The following SPRING1 variants were observed in gnomAD, a reference collection of about 807,000 sequenced individuals.
The protein encoded by SPRING1 is SREBP regulating gene protein.
A neutral mutation model predicts 24.7 loss-of-function variants in SPRING1; 14 were observed. The ratio of observed to expected loss-of-function variants is 0.57; its 90% CI spans 0.37 to 0.88. SPRING1 has a LOEUF of 0.88. Ranked by LOEUF, SPRING1 falls within the 40% of genes least tolerant of loss-of-function variation. The probability of loss-of-function intolerance (pLI) is 0.00; values close to 1 mark genes in which losing one functional copy is unlikely to be tolerated. For missense variants in SPRING1, 255 were observed against 268.4 expected (o/e 0.95, Z 0.35); for synonymous variants, 93 against 106.1 (o/e 0.88, Z 0.76).
At chr12:116,719,898 C>T (rs781184202) in intron 3 of SPRING1, 22 bp from the exon 4 acceptor site, 2 of 1,600,202 alleles carry the variant, frequency 1.2e-6, no homozygotes, top group Non-Finnish European at 1.7e-6. Flanking sequence ...AAAGTTAGTG[C>T]CTGTAATAAA....
intron 1 of SPRING1, among the ~76,000 whole-genome samples, chr12:116,737,267 C>T (rs1871272923): frequency 6.6e-6 from 1 of 152,004 alleles, no homozygotes; most frequent in African/African-American, 2.4e-5. Context: ...GACGCCCCGG[C>T]GGCGCCGCTG....
intron 1 of SPRING1, 70 bp downstream of exon 1, chr12:116,737,720 G>A (rs1389130777): frequency 1.4e-6 from 2 of 1,398,496 alleles, no homozygotes; most frequent in South Asian, 1.4e-5. Flanking sequence ...AAGGAAGGAA[G>A]GAGAAAGTAA....
At chr12:116,721,875 T>C (rs1364115790) in intron 2 of SPRING1, among the ~76,000 whole-genome samples, 3 of 152,210 alleles carry the variant, frequency 2.0e-5, no homozygotes, top group Non-Finnish European at 1.5e-5. Context: ...TCCTTTTTTT[T>C]CCCCACTGCC....
intron 1 of SPRING1, among the ~76,000 whole-genome samples, chr12:116,724,779 T>C (rs1223316160): frequency 6.6e-6 from 1 of 152,212 alleles, no homozygotes; most frequent in South Asian, 2.1e-4. Flanking sequence ...ATACGACTGA[T>C]AGCTATTTAA....
At chr12:116,733,030 CA>C (rs1405412383) in intron 1 of SPRING1, among the ~76,000 whole-genome samples, 1 of 152,138 alleles carries the variant, frequency 6.6e-6, no homozygotes, top group Non-Finnish European at 1.5e-5. Flanking sequence ...AAATATACAG[CA>C]CAGTAATAAA....
chr12:116,731,290 C>T (rs1870963911), intron 1 of SPRING1, among the ~76,000 whole-genome samples: 1 of 152,202 alleles, frequency 6.6e-6, no homozygotes. Context: ...CCCCCCATGA[C>T]TTCTGCACCA....
At chr12:116,731,590 AAATT>A (rs913779479) in intron 1 of SPRING1, among the ~76,000 whole-genome samples, 4 of 152,242 alleles carry the variant, frequency 2.6e-5, no homozygotes, top group African/African-American at 9.6e-5. Flanking sequence ...CCAAAAAAAT[AAATT>A]AATTAATTAG....
At chr12:116,726,514 G>A (rs1870699729) in intron 1 of SPRING1, among the ~76,000 whole-genome samples, 1 of 152,152 alleles carries the variant, frequency 6.6e-6, no homozygotes, top group Non-Finnish European at 1.5e-5. Flanking sequence ...ACCGGGAGGG[G>A]GGCGGTTATA....
At chr12:116,735,927 C>CT (rs753507749) in intron 1 of SPRING1, among the ~76,000 whole-genome samples, 18 of 150,766 alleles carry the variant, frequency 1.2e-4, no homozygotes, top group Admixed American at 4.0e-4. Context: ...GTAATCCCAG[C>CT]TACTCAAGAA....
chr12:116,710,934 T>G lies in SPRING1; in HGVS notation c.*6876A>C, dbSNP rs893334239. On this transcript the variant is annotated 3_prime_UTR_variant, in exon 5 of 5. Transcript: ENST00000261318. ...ACCAAAGCCGGAGAGGGTAATTTAC[T>G]CAAGGTCATTAAGGTCAGTGCTCTT... 1 of 152,088 alleles carries G rather than the reference T, an allele frequency of 6.6e-6. No homozygotes were observed. The highest frequency in any genetic ancestry group is 1.9e-4 in the East Asian group (1 of 5,190). 9.4% of individuals were successfully genotyped at this position (152,088 alleles called of 1,614,324 possible). A position where few individuals can be genotyped will look rare whatever the true frequency, so the allele number is the denominator to read the frequency against.
In SPRING1 at chr12:116,730,655, A is replaced by G. The variant is rs928397810; in HGVS notation, c.111+7135T>C. 2.0e-5 allele frequency among the ~76,000 whole-genome samples: 3 copies of G among 152,240 alleles called. No individual in the cohort carries two copies. In the East Asian group the frequency reaches 5.8e-4, roughly 29 times the overall value. On this transcript the variant is annotated intron_variant, in intron 1 of 4. Transcript: ENST00000261318. ...TCAATGAATTTTTCATAAACTGTTCAGATCCATGAGTCTGTGTTGCACATT... is the reference window on the plus strand; with the variant it reads ...TCAATGAATTTTTCATAAACTGTTCGGATCCATGAGTCTGTGTTGCACATT...
At chr12:116,718,195 T>C (rs1870251161) in intron 4 of SPRING1, among the ~76,000 whole-genome samples, 1 of 152,218 alleles carries the variant, frequency 6.6e-6, no homozygotes, top group South Asian at 2.1e-4. Flanking sequence ...AGACAACTAC[T>C]TTTCCTCAAA....
Position 116,738,039 on chromosome 12 carries a change from C to A in SPRING1, c.-139G>T. On this transcript the variant is annotated 5_prime_UTR_variant, in exon 1 of 5. Coordinates refer to ENST00000261318, the MANE Select transcript of SPRING1 (RefSeq NM_024738.4). ...CCCGCCGCCCGCAGCCCAGTCTGCTCCCGGCAGCCTTGGGCGCAGCCCCAC... is the reference window on the plus strand; with the variant it reads ...CCCGCCGCCCGCAGCCCAGTCTGCTACCGGCAGCCTTGGGCGCAGCCCCAC... The A allele has an allele frequency of 9.1e-7, 1 of 1,095,986 alleles. No homozygotes were observed. The allele number at this position is 1,095,986 out of a possible 1,614,324, so 67.9% of individuals were successfully genotyped here.
Position 116,716,786 on chromosome 12 carries a change from C to T in SPRING1, c.*1024G>A, listed in dbSNP as rs1870156015. ...TCATAGGGAAACCAAATATTTGTAC[C>T]TGTTACAGCCCCAAAGCTGAAAGCA... On this transcript the variant is annotated 3_prime_UTR_variant, in exon 5 of 5. Transcript: ENST00000261318. The T allele has an allele frequency of 6.6e-6, 1 of 152,080 alleles. No homozygotes were observed. Among genetic ancestry groups the T allele is most frequent in the Non-Finnish European group, 1.5e-5 (1 of 68,020 alleles). The allele number at this position is 152,080 out of a possible 1,614,324, so 9.4% of individuals were successfully genotyped here.
At chr12:116,736,077 T>C (rs1871206634) in intron 1 of SPRING1, among the ~76,000 whole-genome samples, 1 of 140,682 alleles carries the variant, frequency 7.1e-6, no homozygotes. Flanking sequence ...AGATGGGAAA[T>C]TTTATGTCGT....
intron 1 of SPRING1, among the ~76,000 whole-genome samples, chr12:116,734,932 G>A (rs963910446): frequency 2.0e-5 from 3 of 152,186 alleles, no homozygotes; most frequent in African/African-American, 7.2e-5. Context: ...TCTTTTTAAA[G>A]ATTATCACCC....
chr12:116,720,003 AG>A lies in SPRING1; in HGVS notation c.421-128del. ...GGGGAAGAGGAGGAGAAAAGGAGGGAGGGGAAAGGACACACGCGTGCACACA... is the reference window on the plus strand; with the variant it reads ...GGGGAAGAGGAGGAGAAAAGGAGGGAGGGAAAGGACACACGCGTGCACACA... On this transcript the variant is annotated intron_variant, in intron 3 of 4. Transcript: ENST00000261318. The surrounding 1 kb of genome is among the most constrained non-coding windows in gnomAD (Gnocchi z 4.0). 2 of 869,338 alleles carry A rather than the reference AG, an allele frequency of 2.3e-6. No individual in the cohort carries two copies. Among genetic ancestry groups the A allele is most frequent in the Non-Finnish European group, 3.7e-6 (2 of 547,880 alleles). 53.9% of individuals were successfully genotyped at this position (869,338 alleles called of 1,614,324 possible). A position where few individuals can be genotyped will look rare whatever the true frequency, so the allele number is the denominator to read the frequency against.
rs1869960218 is a variant in SPRING1 at position 116,713,469 on chromosome 12, A to C, written c.*4341T>G. On this transcript the variant is annotated 3_prime_UTR_variant, in exon 5 of 5. Coordinates refer to ENST00000261318, the MANE Select transcript of SPRING1 (RefSeq NM_024738.4). ...ATTCTGCTGGAAATTAAATACATTCAAACAAGAACAGAGATCCATTAGCAA... is the reference window on the plus strand; with the variant it reads ...ATTCTGCTGGAAATTAAATACATTCCAACAAGAACAGAGATCCATTAGCAA... 1 of 152,256 alleles carries C rather than the reference A, an allele frequency of 6.6e-6. No homozygotes were observed. Among genetic ancestry groups the C allele is most frequent in the Non-Finnish European group, 1.5e-5 (1 of 68,052 alleles). The allele number at this position is 152,256 out of a possible 1,614,324, so 9.4% of individuals were successfully genotyped here.
chr12:116,720,262 A>G lies in SPRING1; in HGVS notation c.420+34T>C, dbSNP rs1253089748. 1.3e-6 allele frequency: 2 copies of G among 1,566,364 alleles called. No homozygotes were observed. Among genetic ancestry groups the G allele is most frequent in the Non-Finnish European group, 1.7e-6 (2 of 1,161,976 alleles). On this transcript the variant is annotated intron_variant, in intron 3 of 4. Coordinates refer to ENST00000261318, the MANE Select transcript of SPRING1 (RefSeq NM_024738.4). This position sits in a 1 kb window ranked among gnomAD's most constrained non-coding sequence, Gnocchi z 4.0. ...TCATAAAACAGAGGCCGAAAGAAAA[A>G]AGGAGCCGCAGAACCAGGATCAACT...
Sources: allele counts gnomAD v4.1 joint callset (sites outside exome capture counted in the v4.1 genomes callset), GRCh38; gene constraint gnomAD v4.1.1; non-coding constraint Gnocchi (gnomAD v3.1); transcripts MANE v1.5; gene names NCBI Gene and HGNC (gene_info 2026-07-23, HGNC 2026-07-21).